Variants in GTPBP8 observed in about 807,000 individuals in gnomAD.
GTPBP8 encodes GTP-binding protein 8.
Under a neutral mutation model 27.3 loss-of-function variants are expected in GTPBP8, and 21 were observed. That is an observed-to-expected ratio of 0.77 (90% CI 0.55 to 1.11). The LOEUF (loss-of-function observed/expected upper bound fraction) is 1.11. Among genes scored for constraint, GTPBP8 ranks in the 50% least tolerant of loss-of-function variants. The pLI, the probability that GTPBP8 is intolerant of heterozygous loss-of-function variation, is 0.00. For synonymous variants in GTPBP8, 147 were observed against 135.3 expected (o/e 1.09, Z -0.60); for missense variants, 380 against 350.8 (o/e 1.08, Z -0.67).
Position 113,001,070 on chromosome 3 carries a change from C to A in GTPBP8, c.*151C>A. ...TTGAGCTTTAAAACCTGTGCCTTCT[C>A]GAAACAAGAATTTGTGCCTGAGGTG... On this transcript the variant is annotated 3_prime_UTR_variant, in exon 6 of 6. Coordinates refer to ENST00000383678, the MANE Select transcript of GTPBP8 (RefSeq NM_014170.4). The A allele has an allele frequency of 1.8e-6, 1 of 550,804 alleles. No homozygotes were observed. Among genetic ancestry groups the A allele is most frequent in the Non-Finnish European group, 3.2e-6 (1 of 312,726 alleles). The allele number at this position is 550,804 out of a possible 1,614,324, so 34.1% of individuals were successfully genotyped here.
chr3:112,996,139 CTGTTAG>C (rs1470609500), intron 3 of GTPBP8, among the ~76,000 whole-genome samples: 1 of 152,096 alleles, frequency 6.6e-6, no homozygotes, highest in Non-Finnish European at 1.5e-5. Flanking sequence ...TTTCTGTTAT[CTGTTAG>C]TGTTAGGGTA....
chr3:112,993,297 G>GAAGT (rs1304404189), intron 2 of GTPBP8, among the ~76,000 whole-genome samples, 173 bp downstream of exon 2: 3 of 152,158 alleles, frequency 2.0e-5, no homozygotes, highest in Non-Finnish European at 4.4e-5. Flanking sequence ...TGAAGAAAAG[G>GAAGT]AAGTGTAGCT....
chr3:112,999,867 T>C (rs750749801), intron 5 of GTPBP8, among the ~76,000 whole-genome samples: 6 of 152,166 alleles, frequency 3.9e-5, no homozygotes, highest in Non-Finnish European at 5.9e-5. Context: ...GAACATACAG[T>C]ATTTGGCTTT....
chr3:112,995,992 T>TAGG (rs1271087995), intron 3 of GTPBP8, among the ~76,000 whole-genome samples: 3 of 152,230 alleles, frequency 2.0e-5, no homozygotes, highest in Non-Finnish European at 4.4e-5. Context: ...AATCAAGTGA[T>TAGG]AGTTCTAAGA....
In GTPBP8 at chr3:112,991,314, C is replaced by A; in HGVS notation, c.315C>A (p.Ala105=). The change falls in exon 1 of 6, where the codon GCC becomes GCA. Residue 105 remains alanine, a synonymous_variant. Transcript: ENST00000383678. ...YVSSAVRIDH[A]PDLPRPEVCF... is the part of the protein sequence containing the mutation. ...GCTCCGCCGTCCGTATCGACCACGCCCCGGACCTTCCGCGGCCAGAGGTGA... is the reference window on the plus strand; with the variant it reads ...GCTCCGCCGTCCGTATCGACCACGCACCGGACCTTCCGCGGCCAGAGGTGA... The A allele has an allele frequency of 6.2e-7, 1 of 1,613,668 alleles. No individual in the cohort carries two copies. The highest frequency in any genetic ancestry group is 8.5e-7 in the Non-Finnish European group (1 of 1,180,036).
In GTPBP8 at chr3:112,991,059, A is replaced by G. The variant is rs1429729843; in HGVS notation, c.60A>G (p.Leu20=). 4.3e-6 allele frequency: 7 copies of G among 1,613,660 alleles called. No homozygotes were observed. Among genetic ancestry groups the G allele is most frequent in the East Asian group, 2.2e-5 (1 of 44,870 alleles). Residue 20 remains leucine (L), a synonymous_variant, in exon 1 of 6, where the codon CTA becomes CTG. Coordinates refer to ENST00000383678, the MANE Select transcript of GTPBP8 (RefSeq NM_014170.4). ...GACTCTTTGAAATGCCTGCGGTGCT[A>G]GAGCGACTGAGCCGCTATAATAGCA... ...AGRLFEMPAV[L]ERLSRYNSTS... is the part of the protein sequence containing the mutation.
Position 113,001,790 on chromosome 3 carries a change from G to C in GTPBP8, c.*871G>C, listed in dbSNP as rs902191982. 1 of 152,216 alleles carries C rather than the reference G, an allele frequency of 6.6e-6. No individual in the cohort carries two copies. Among genetic ancestry groups the C allele is most frequent in the Admixed American group, 6.5e-5 (1 of 15,280 alleles). 9.4% of individuals were successfully genotyped at this position (152,216 alleles called of 1,614,324 possible). ...AGAAAAAAGCTGATGGGACAGTTTA[G>C]ACTGCTACATTTAAGATTCAGAATG... On this transcript the variant is annotated 3_prime_UTR_variant, in exon 6 of 6. Coordinates refer to ENST00000383678, the MANE Select transcript of GTPBP8 (RefSeq NM_014170.4).
rs59096077 is a variant in GTPBP8 at position 112,998,879 on chromosome 3, G to A, written c.667-567G>A. Among the ~76,000 whole-genome samples the A allele has an allele frequency of 2.0e-5, 3 of 152,212 alleles. No homozygotes were observed. The East Asian group carries it at 5.8e-4, about 29-fold the overall frequency. ...AGAAACTCACCAGGAATATCTGGTG[G>A]ATTAAGGTTTTATTTTTAATTGATT... On this transcript the variant is annotated intron_variant, in intron 4 of 5. Transcript: ENST00000383678.
At position 112,991,226 on chromosome 3, in the gene GTPBP8, A is replaced by G; in HGVS notation, c.227A>G (p.Glu76Gly). 6.2e-6 allele frequency: 10 copies of G among 1,614,148 alleles called. No individual in the cohort carries two copies. Among genetic ancestry groups the G allele is most frequent in the Non-Finnish European group, 8.5e-6 (10 of 1,180,030 alleles). Residue 76 changes from glutamate to glycine, a missense_variant, in exon 1 of 6, where the codon GAG becomes GGG. Physicochemically the swap from Glu to Gly is moderately conservative, Grantham distance 98. Transcript: ENST00000383678. The stretch of plus-strand genomic sequence containing the variant: ...CTGCGTATCTTTGACCCAAGCCCGG[A>G]GGACATAGCCAGGGCGGACAACATC... ...LHLRIFDPSP[E>G]DIARADNIFT...
In GTPBP8 at chr3:112,995,112, T is replaced by C. The variant is rs762647772; in HGVS notation, c.436-23T>C. Reference sequence around the variant, plus strand: ...GGAGGACATATCTTAAGACAGCTTTTCTTTTTCTATTTACTTTATCAGGGA... The same window carrying C: ...GGAGGACATATCTTAAGACAGCTTTCCTTTTTCTATTTACTTTATCAGGGA... On this transcript the variant is annotated intron_variant, in intron 2 of 5. Transcript: ENST00000383678. 1.2e-5 allele frequency: 19 copies of C among 1,549,590 alleles called. No individual in the cohort carries two copies. The South Asian group carries it at 2.2e-4, about 18-fold the overall frequency.
Position 112,991,203 on chromosome 3 carries a change from G to C in GTPBP8, c.204G>C (p.Leu68=), listed in dbSNP as rs1476371395. The change falls in exon 1 of 6, where the codon CTG becomes CTC. Residue 68 remains leucine, a synonymous_variant. Transcript: ENST00000383678. The part of the protein sequence containing the change: ...LAPYGRQDLH[L]RIFDPSPEDI... ...CCTACGGGAGGCAAGACCTTCACCT[G>C]CGTATCTTTGACCCAAGCCCGGAGG... is the stretch of plus-strand genomic sequence containing the variant. 8 of 1,614,200 alleles carry C rather than the reference G, an allele frequency of 5.0e-6. No homozygotes were observed. The East Asian group carries it at 1.8e-4, about 36-fold the overall frequency.
chr3:113,000,919 A>ATGGT lies in GTPBP8; in HGVS notation c.*2_*5dup. On this transcript the variant is annotated 3_prime_UTR_variant, in exon 6 of 6. Transcript: ENST00000383678. ...CCAGTGTAACAGGAAGTCTTGACTA[A>ATGGT]TGGTTCCCGGTTTAGCTGAAGATTC... 6.7e-7 allele frequency: 1 copy of ATGGT among 1,499,022 alleles called. No homozygotes were observed. The highest frequency in any genetic ancestry group is 9.2e-7 in the Non-Finnish European group (1 of 1,085,230). 92.9% of individuals were successfully genotyped at this position (1,499,022 alleles called of 1,614,324 possible). A position where few individuals can be genotyped will look rare whatever the true frequency, so the allele number is the denominator to read the frequency against.
chr3:113,000,271 G>A lies in GTPBP8; in HGVS notation c.786-579G>A, dbSNP rs190364728. Among the ~76,000 whole-genome samples the A allele has an allele frequency of 7.8e-4, 119 of 152,162 alleles. 1 individual carries two copies. Among genetic ancestry groups the A allele is most frequent in the African/African-American group, 2.8e-3 (116 of 41,502 alleles). ...AAATTAGCCAGATGTGGTGGCACAT[G>A]CCTGTAATCCCAGCTGCTCGGGAGG... On this transcript the variant is annotated intron_variant, in intron 5 of 5. Transcript: ENST00000383678.
chr3:112,993,048 A>T lies in GTPBP8; in HGVS notation c.359A>T (p.Asn120Ile). The T allele has an allele frequency of 6.2e-7, 1 of 1,608,056 alleles. No homozygotes were observed. The highest frequency in any genetic ancestry group is 8.5e-7 in the Non-Finnish European group (1 of 1,174,866). Reference protein sequence around the residue: ...RPEVCFIGRSNVGKSSLIKAL... With the variant: ...RPEVCFIGRSIVGKSSLIKAL... The stretch of plus-strand genomic sequence containing the variant: ...AAGGTGTGTTTTATAGGCAGAAGCA[A>T]TGTTGGAAAATCATCTCTAATCAAG... Residue 120 changes from asparagine to isoleucine, a missense_variant, in exon 2 of 6, where the codon AAT becomes ATT. Physicochemically the swap from Asn to Ile is moderately radical, Grantham distance 149. Coordinates refer to ENST00000383678, the MANE Select transcript of GTPBP8 (RefSeq NM_014170.4).
In GTPBP8 at chr3:113,000,823, A is replaced by G. The variant is rs1290523463; in HGVS notation, c.786-27A>G. On this transcript the variant is annotated intron_variant, in intron 5 of 5. Transcript: ENST00000383678. ...AGATGTTATATCTGAGGAAAGGAAG[A>G]AAATTATTTCTCTTTTCTTTTCACA... is the stretch of plus-strand genomic sequence containing the variant. 1.3e-5 allele frequency: 19 copies of G among 1,448,172 alleles called. No homozygotes were observed. In the East Asian group the frequency reaches 4.3e-4, roughly 33 times the overall value. The allele number at this position is 1,448,172 out of a possible 1,614,324, so 89.7% of individuals were successfully genotyped here.
chr3:112,997,838 C>T (rs955937708), intron 4 of GTPBP8, among the ~76,000 whole-genome samples: 3 of 152,194 alleles, frequency 2.0e-5, no homozygotes, highest in African/African-American at 2.4e-5. Context: ...GTAAAAATGC[C>T]TAAATATTGC....
At chr3:112,993,005 T>C (rs756163623) in intron 1 of GTPBP8, 21 bp from the exon 2 acceptor site, 34 of 1,351,742 alleles carry the variant, frequency 2.5e-5, no homozygotes, top group East Asian at 2.3e-5. Context: ...TACGTACTTA[T>C]CTTGTTTTTT....
chr3:112,999,432 T>G lies in GTPBP8; in HGVS notation c.667-14T>G. The G allele has an allele frequency of 1.1e-6, 1 of 938,260 alleles. No individual in the cohort carries two copies. Among genetic ancestry groups the G allele is most frequent in the East Asian group, 2.5e-5 (1 of 40,084 alleles). 58.1% of individuals were successfully genotyped at this position (938,260 alleles called of 1,614,324 possible). ...CACTTTATTTCTAATGCATAAAAAT[T>G]TGTTTTCTTATAGATTGTATTAACA... On this transcript the variant is annotated splice_polypyrimidine_tract_variant and intron_variant, in intron 4 of 5. Transcript: ENST00000383678.
chr3:112,992,785 T>C (rs1559710002), intron 1 of GTPBP8, among the ~76,000 whole-genome samples: 1 of 152,236 alleles, frequency 6.6e-6, no homozygotes. Flanking sequence ...TCCTTCACTT[T>C]CTAGCTGTAT....
Sources: gnomAD v4.1 joint callset for allele counts (sites outside exome capture counted in the v4.1 genomes callset) on GRCh38, gnomAD v4.1.1 for gene constraint, MANE v1.5 for transcripts, NCBI Gene and HGNC (gene_info 2026-07-23, HGNC 2026-07-21) for gene names.